The following ZMYND8 variants were observed in gnomAD, a reference collection of about 807,000 sequenced individuals.
ZMYND8 encodes zinc finger MYND-type containing 8, also known as MYND-type zinc finger-containing chromatin reader ZMYND8.
A neutral mutation model predicts 140.8 loss-of-function variants in ZMYND8; 37 were observed. That is an observed-to-expected ratio of 0.26 (90% confidence interval 0.20 to 0.35). The LOEUF (loss-of-function observed/expected upper bound fraction) is 0.35, where lower values mean the gene tolerates loss of function less well. ZMYND8 is among the 10% of genes least tolerant of loss of function. The pLI, the probability that ZMYND8 is intolerant of heterozygous loss-of-function variation, is 1.00. For missense variants in ZMYND8, 1,068 were observed against 1,570.0 expected (o/e 0.68, Z 5.40); for synonymous variants, 592 against 597.1 (o/e 0.99, Z 0.12).
intron 15 of ZMYND8, 36 bp downstream of exon 15, chr20:47,238,722 C>G (rs1163143923): frequency 1.9e-6 from 3 of 1,579,880 alleles, no homozygotes; most frequent in Non-Finnish European, 1.7e-6. Flanking sequence ...AAAATGGGAG[C>G]GGGCGCCACG....
At chr20:47,306,666 G>A (rs983136742) in intron 3 of ZMYND8, among the ~76,000 whole-genome samples, 2 of 151,584 alleles carry the variant, frequency 1.3e-5, no homozygotes, top group South Asian at 4.2e-4. Context: ...TGCCTCCCGG[G>A]TTCAAGAGAG....
chr20:47,211,806 G>A (rs911416852), intron 22 of ZMYND8, among the ~76,000 whole-genome samples: 1 of 152,096 alleles, frequency 6.6e-6, no homozygotes, highest in African/African-American at 2.4e-5. Context: ...GAGTGGAGTG[G>A]GCCAAGGAGG....
intron 1 of ZMYND8, chr20:47,354,292 C>T (rs6122575): frequency 1.3e-5 from 2 of 152,096 alleles, no homozygotes; most frequent in East Asian, 3.9e-4. Flanking sequence ...ATGCCTTGCC[C>T]TTAAGTTCCC....
chr20:47,329,483 C>T (rs944325613), intron 2 of ZMYND8, among the ~76,000 whole-genome samples: 2 of 152,150 alleles, frequency 1.3e-5, no homozygotes, highest in Admixed American at 1.3e-4. Flanking sequence ...CAGCTCACCG[C>T]AACCTCCTCC....
In ZMYND8 at chr20:47,298,430, G is replaced by A. The variant is rs138911068; in HGVS notation, c.453+299C>T. The A allele has an allele frequency of 1.7e-4, 166 of 985,416 alleles. No individual in the cohort carries two copies. The African/African-American group carries it at 2.6e-3, about 16-fold the overall frequency. The allele number at this position is 985,416 out of a possible 1,614,324, so 61.0% of individuals were successfully genotyped here. On this transcript the variant is annotated intron_variant, in intron 4 of 22. Transcript: ENST00000471951. The surrounding 1 kb of genome is among the most constrained non-coding windows in gnomAD (Gnocchi z 5.0). ...TGTGTGAGCCGTTCATGATTTGGGA[G>A]TTAACTTTCAAAAAGTTCATCATAG...
chr20:47,246,668 T>C, intron 13 of ZMYND8, 151 bp from the exon 14 acceptor site: 1 of 1,193,266 alleles, frequency 8.4e-7, no homozygotes. Context: ...AGTAATAATC[T>C]CAAGTGGCAA....
At chr20:47,299,744 C>T (rs942772749) in intron 3 of ZMYND8, among the ~76,000 whole-genome samples, 11 of 152,182 alleles carry the variant, frequency 7.2e-5, no homozygotes, top group East Asian at 1.9e-4. Flanking sequence ...CCACCATGCC[C>T]GGCTAATTTT....
intron 17 of ZMYND8, among the ~76,000 whole-genome samples, chr20:47,228,816 T>C (rs988513212): frequency 1.3e-5 from 2 of 152,192 alleles, no homozygotes; most frequent in African/African-American, 2.4e-5. Flanking sequence ...AAATGACCTC[T>C]GTAAGTCCTG....
intron 11 of ZMYND8, among the ~76,000 whole-genome samples, chr20:47,265,916 G>C (rs1569037983): frequency 6.6e-6 from 1 of 152,182 alleles, no homozygotes; most frequent in Non-Finnish European, 1.5e-5. Context: ...GATATGGCAA[G>C]AATAAGGGTG....
chr20:47,305,165 G>A (rs2078379668), intron 3 of ZMYND8, among the ~76,000 whole-genome samples: 1 of 151,956 alleles, frequency 6.6e-6, no homozygotes, highest in African/African-American at 2.4e-5. Flanking sequence ...GATCACTTGA[G>A]CCCAGGAGGT....
intron 11 of ZMYND8, among the ~76,000 whole-genome samples, chr20:47,275,689 A>G (rs904310765): frequency 3.3e-5 from 5 of 151,904 alleles, no homozygotes; most frequent in African/African-American, 1.2e-4. Flanking sequence ...TGCAGCCTCA[A>G]CCTCCCAGGC....
intron 2 of ZMYND8, chr20:47,319,542 C>T (rs1442841833): frequency 1.2e-5 from 2 of 164,986 alleles, no homozygotes; most frequent in Admixed American, 5.6e-5. Flanking sequence ...GCCTCCTCCA[C>T]CCTTCTCTCA....
intron 22 of ZMYND8, 122 bp downstream of exon 22, chr20:47,212,520 A>G (rs1165569436): frequency 1.9e-5 from 22 of 1,134,754 alleles, no homozygotes; most frequent in Non-Finnish European, 2.9e-5. Flanking sequence ...GAAGACCCAC[A>G]ACTCAAAAGA....
At chr20:47,213,038 C>T (rs531410543) in intron 21 of ZMYND8, among the ~76,000 whole-genome samples, 1 of 152,154 alleles carries the variant, frequency 6.6e-6, no homozygotes, top group South Asian at 2.1e-4. Flanking sequence ...CTGCCAATAG[C>T]CTAATTCAAC....
At chr20:47,352,543 C>G (rs1292369720) in intron 1 of ZMYND8, 3 of 985,376 alleles carry the variant, frequency 3.0e-6, no homozygotes, top group African/African-American at 1.7e-5. Context: ...TTGCAAAACC[C>G]GCTTTCAGAG....
At chr20:47,285,678 C>T (rs1049058738) in intron 8 of ZMYND8, 16 of 984,898 alleles carry the variant, frequency 1.6e-5, no homozygotes, top group Admixed American at 6.2e-5. Flanking sequence ...TCATCAAATG[C>T]GCAATGATAT....
intron 2 of ZMYND8, among the ~76,000 whole-genome samples, chr20:47,327,693 C>T (rs1212894074): frequency 6.6e-6 from 1 of 152,120 alleles, no homozygotes; most frequent in Non-Finnish European, 1.5e-5. Flanking sequence ...CCACATAGGG[C>T]CCCCTATTCC....
intron 11 of ZMYND8, among the ~76,000 whole-genome samples, chr20:47,274,697 A>G (rs2076153686): frequency 6.6e-6 from 1 of 152,242 alleles, no homozygotes; most frequent in African/African-American, 2.4e-5. Context: ...CCACACAGCT[A>G]TGAATCAGAA....
Position 47,322,054 on chromosome 20 carries a change from TC to T in ZMYND8, c.86-11851del, listed in dbSNP as rs1420432930. 2.6e-5 allele frequency among the ~76,000 whole-genome samples: 4 copies of T among 151,620 alleles called. No homozygotes were observed. The East Asian group carries it at 7.8e-4, about 29-fold the overall frequency. ...TTTTGTATTTTTTGTAGAGAAGGGG[TC>T]TCGCCATGTTGCCCAGACTGGTCTC... On this transcript the variant is annotated intron_variant, in intron 2 of 22. Transcript: ENST00000471951.
Sources: allele counts gnomAD v4.1 joint callset (sites outside exome capture counted in the v4.1 genomes callset), GRCh38; gene constraint gnomAD v4.1.1; non-coding constraint Gnocchi (gnomAD v3.1); transcripts MANE v1.5; gene names NCBI Gene and HGNC (gene_info 2026-07-23, HGNC 2026-07-21).